ZFP90: variants seen among roughly 807,000 people sequenced by gnomAD.
ZFP90 encodes zinc finger protein 90 homolog.
Under a neutral mutation model 60.8 loss-of-function variants are expected in ZFP90, and 38 were observed. The ratio of observed to expected loss-of-function variants is 0.62; its 90% CI spans 0.48 to 0.82. The LOEUF is 0.82. Among genes scored for constraint, ZFP90 ranks in the 40% least tolerant of loss-of-function variants. ZFP90 has a pLI of 0.00. For synonymous variants in ZFP90, 287 were observed against 264.8 expected, an observed-to-expected ratio of 1.08 and a Z score of -0.82; for missense variants, 711 against 759.1, an observed-to-expected ratio of 0.94 and a Z score of 0.74.
intron 2 of ZFP90, among the ~76,000 whole-genome samples, chr16:68,534,076 T>C (rs552104864): frequency 1.1e-4 from 17 of 152,262 alleles, no homozygotes; most frequent in South Asian, 2.1e-4. Flanking sequence ...TAGATTGTTA[T>C]AGCTCTCTGC....
downstream of ZFP90, among the ~76,000 whole-genome samples, chr16:68,569,763 CAT>C (rs965834297): frequency 1.1e-4 from 16 of 151,896 alleles, no homozygotes; most frequent in Admixed American, 9.8e-4. Context: ...AAATGAGTCT[CAT>C]AACGTGGTCT....
At chr16:68,555,257 T>C (rs1219070804) in intron 2 of ZFP90, 1 of 152,272 alleles carries the variant, frequency 6.6e-6, no homozygotes, top group Non-Finnish European at 1.5e-5. Context: ...TGTTTTTCTT[T>C]TGCATTTTTA....
At position 68,566,453 on chromosome 16, in the gene ZFP90, C is replaced by A; in HGVS notation, c.*1755C>A. The A allele has an allele frequency of 1.0e-6, 1 of 984,858 alleles. No individual in the cohort carries two copies. 61.0% of individuals were successfully genotyped at this position (984,858 alleles called of 1,614,324 possible). ...CCACATAGCAGGATTCATTGCCTTTCTCTCATCATGGATGGCATGCAGCAG... is the reference window on the plus strand; with the variant it reads ...CCACATAGCAGGATTCATTGCCTTTATCTCATCATGGATGGCATGCAGCAG... On this transcript the variant is annotated 3_prime_UTR_variant, in exon 5 of 5. Transcript: ENST00000563169.
At chr16:68,552,052 G>A (rs780197258) in intron 2 of ZFP90, among the ~76,000 whole-genome samples, 21 of 142,098 alleles carry the variant, frequency 1.5e-4, no homozygotes, top group South Asian at 4.8e-4. Context: ...GAGCCACTGC[G>A]TCTGGCTGCT....
At chr16:68,552,306 T>G (rs2091276671) in intron 2 of ZFP90, among the ~76,000 whole-genome samples, 1 of 152,202 alleles carries the variant, frequency 6.6e-6, no homozygotes, top group African/African-American at 2.4e-5. Flanking sequence ...CTCTGGAAAT[T>G]TGAAGGTGCC....
At chr16:68,535,363 G>C (rs973857896), upstream of ZFP90, among the ~76,000 whole-genome samples, 4 of 152,170 alleles carry the variant, frequency 2.6e-5, no homozygotes, top group Admixed American at 2.6e-4. Flanking sequence ...AATTTACCTT[G>C]CAGTCTCTAC....
intron 2 of ZFP90, among the ~76,000 whole-genome samples, chr16:68,554,658 A>C (rs923852591): frequency 6.6e-6 from 1 of 152,124 alleles, no homozygotes; most frequent in African/African-American, 2.4e-5. Context: ...AGCAGAATGA[A>C]ACCAGGAGGC....
chr16:68,542,405 A>C (rs1335952607), intron 2 of ZFP90, among the ~76,000 whole-genome samples: 1 of 152,168 alleles, frequency 6.6e-6, no homozygotes, highest in Non-Finnish European at 1.5e-5. Flanking sequence ...AGCCTGGCCA[A>C]CATGGTGAAA....
chr16:68,533,479 C>A (rs1474705094), intron 1 of ZFP90, among the ~76,000 whole-genome samples: 1 of 152,132 alleles, frequency 6.6e-6, no homozygotes, highest in Non-Finnish European at 1.5e-5. Flanking sequence ...TTACCACTTT[C>A]TTTGTTCACT....
At chr16:68,551,231 G>A (rs183030852) in intron 2 of ZFP90, among the ~76,000 whole-genome samples, 2 of 150,806 alleles carry the variant, frequency 1.3e-5, no homozygotes, top group East Asian at 3.9e-4. Flanking sequence ...TGAGGTAATT[G>A]GATCTCCAGG....
intron 2 of ZFP90, among the ~76,000 whole-genome samples, chr16:68,553,276 A>C (rs1267713414): frequency 2.6e-5 from 4 of 152,188 alleles, no homozygotes; most frequent in African/African-American, 9.7e-5. Flanking sequence ...TGGTGAGGGA[A>C]GGTTGCTCTG....
Position 68,566,712 on chromosome 16 carries a change from T to C in ZFP90, c.*2014T>C. 1.0e-6 allele frequency: 1 copy of C among 985,550 alleles called. No individual in the cohort carries two copies. The allele number at this position is 985,550 out of a possible 1,614,324, so 61.1% of individuals were successfully genotyped here. Reference sequence around the variant, plus strand: ...ATCTGATACATAGTTTGACAATGGGTAATTCTACTCAGACCCTCCCTACTG... The same window carrying C: ...ATCTGATACATAGTTTGACAATGGGCAATTCTACTCAGACCCTCCCTACTG... On this transcript the variant is annotated 3_prime_UTR_variant, in exon 5 of 5. Coordinates refer to ENST00000563169, the MANE Select transcript of ZFP90 (RefSeq NM_001305203.2).
In ZFP90 at chr16:68,565,960, T is replaced by TAA; in HGVS notation, c.*1262_*1263insAA. 1 of 752,042 alleles carries TAA rather than the reference T, an allele frequency of 1.3e-6. No individual in the cohort carries two copies. The highest frequency in any genetic ancestry group is 1.6e-6 in the Non-Finnish European group (1 of 622,514). The allele number at this position is 752,042 out of a possible 1,614,324, so 46.6% of individuals were successfully genotyped here. On this transcript the variant is annotated 3_prime_UTR_variant, in exon 5 of 5. Coordinates refer to ENST00000563169, the MANE Select transcript of ZFP90 (RefSeq NM_001305203.2). ...GACAACATGGTGAAACCCCATCTCT[T>TAA]TAAAAAAAAAAAAAAATCCAAAAAT...
At chr16:68,542,570 G>A (rs1315398350) in intron 2 of ZFP90, among the ~76,000 whole-genome samples, 2 of 152,096 alleles carry the variant, frequency 1.3e-5, no homozygotes, top group African/African-American at 4.8e-5. Context: ...CAGCCTGGGT[G>A]ACAGAGTGAG....
In ZFP90 at chr16:68,539,445, C is replaced by T. The variant is rs916979214; in HGVS notation, c.-70C>T. The T allele has an allele frequency of 2.2e-5, 8 of 359,078 alleles. No individual in the cohort carries two copies. Among genetic ancestry groups the T allele is most frequent in the Admixed American group, 1.4e-4 (3 of 21,160 alleles). The allele number at this position is 359,078 out of a possible 1,614,324, so 22.2% of individuals were successfully genotyped here. A position where few individuals can be genotyped will look rare whatever the true frequency, so the allele number is the denominator to read the frequency against. ...GAGGCTCTGGGTGGGCCGGAGGTCG[C>T]GAAATCCGGAGCCCCCCAGAGGCGG... On this transcript the variant is annotated 5_prime_UTR_variant, in exon 1 of 5. Transcript: ENST00000563169.
In ZFP90 at chr16:68,564,459, T is replaced by C; in HGVS notation, c.1672T>C (p.Cys558Arg). The change falls in exon 5 of 5, where the codon TGT (cysteine) becomes CGT (arginine). Residue 558 changes from cysteine (C) to arginine (R), a missense_variant. Coordinates refer to ENST00000563169, the MANE Select transcript of ZFP90 (RefSeq NM_001305203.2). ...TGEKPYECID[C>R]GKAFSQSSSL... ...AGAGAAACCCTATGAATGTATTGAC[T>C]GTGGGAAAGCCTTTAGTCAAAGTTC... 6.2e-7 allele frequency: 1 copy of C among 1,614,060 alleles called. No homozygotes were observed. The highest frequency in any genetic ancestry group is 8.5e-7 in the Non-Finnish European group (1 of 1,179,958).
intron 2 of ZFP90, chr16:68,573,789 CAA>C (rs2091579681): frequency 6.6e-6 from 1 of 152,238 alleles, no homozygotes; most frequent in African/African-American, 2.4e-5. Flanking sequence ...ACACACATGT[CAA>C]GAGAGCACCT....
upstream of ZFP90, among the ~76,000 whole-genome samples, chr16:68,537,211 C>T (rs1466615410): frequency 6.6e-6 from 1 of 151,976 alleles, no homozygotes; most frequent in Non-Finnish European, 1.5e-5. Context: ...CTGCAACCCC[C>T]ACCTCCCAGG....
rs2091510381 is a variant in ZFP90 at position 68,565,425 on chromosome 16, A to G, written c.*727A>G. 1.0e-6 allele frequency: 1 copy of G among 985,644 alleles called. No individual in the cohort carries two copies. The highest frequency in any genetic ancestry group is 1.2e-6 in the Non-Finnish European group (1 of 829,948). The allele number at this position is 985,644 out of a possible 1,614,324, so 61.1% of individuals were successfully genotyped here. ...GGACACTTTGAGAATTCTTAAAAGT[A>G]TAAGTGGGAGCAAAATGTATGCAAA... On this transcript the variant is annotated 3_prime_UTR_variant, in exon 5 of 5. Transcript: ENST00000563169.
Sources: allele counts gnomAD v4.1 joint callset (sites outside exome capture counted in the v4.1 genomes callset), GRCh38; gene constraint gnomAD v4.1.1; transcripts MANE v1.5; gene names NCBI Gene and HGNC (gene_info 2026-07-23, HGNC 2026-07-21).